The following COL24A1 variants were observed in gnomAD, a reference collection of about 807,000 sequenced individuals.
The protein encoded by COL24A1 is collagen type XXIV alpha 1 chain.
A neutral mutation model predicts 253.9 loss-of-function variants in COL24A1; 224 were observed. The ratio of observed to expected loss-of-function variants is 0.88; its 90% CI spans 0.79 to 0.99. The LOEUF is 0.99. COL24A1 is among the 50% of genes least tolerant of loss of function. The probability of loss-of-function intolerance (pLI) is 0.00; values close to 1 mark genes in which losing one functional copy is unlikely to be tolerated. For synonymous variants in COL24A1, 685 were observed against 673.7 expected, an observed-to-expected ratio of 1.02 and a Z score of -0.26; for missense variants, 2,131 against 2,068.5, an observed-to-expected ratio of 1.03 and a Z score of -0.59.
At chr1:86,022,083 G>C (rs1242771846) in intron 18 of COL24A1, among the ~76,000 whole-genome samples, 157 bp downstream of exon 18, 1 of 152,142 alleles carries the variant, frequency 6.6e-6, no homozygotes, top group Non-Finnish European at 1.5e-5. Context: ...AAAGTCTATG[G>C]AATGTGAACT....
At chr1:85,798,685 G>A (rs1671084039) in intron 47 of COL24A1, among the ~76,000 whole-genome samples, 1 of 152,046 alleles carries the variant, frequency 6.6e-6, no homozygotes, top group Admixed American at 6.5e-5. Flanking sequence ...CCTTATACTG[G>A]ACACAATCCA....
chr1:85,835,233 G>C (rs576600974), intron 43 of COL24A1, among the ~76,000 whole-genome samples: 1 of 152,248 alleles, frequency 6.6e-6, no homozygotes, highest in Non-Finnish European at 1.5e-5. Context: ...CCGGGTTCAA[G>C]TGTTTCTCCT....
chr1:85,842,004 T>G, intron 41 of COL24A1, 64 bp downstream of exon 41: 2 of 1,437,612 alleles, frequency 1.4e-6, no homozygotes, highest in Admixed American at 3.5e-5. Flanking sequence ...CATGCAGTCT[T>G]TCAGGAATAA....
intron 47 of COL24A1, among the ~76,000 whole-genome samples, chr1:85,801,706 A>G (rs1002074027): frequency 1.3e-5 from 2 of 152,176 alleles, no homozygotes; most frequent in African/African-American, 4.8e-5. Flanking sequence ...CTGCTTCCTA[A>G]CAGGACTCTG....
intron 53 of COL24A1, among the ~76,000 whole-genome samples, chr1:85,766,661 A>G (rs1667415435): frequency 6.6e-6 from 1 of 152,182 alleles, no homozygotes; most frequent in Admixed American, 6.5e-5. Context: ...CATGTATTGT[A>G]TAATGAGCTA....
At chr1:85,896,177 C>A in intron 29 of COL24A1, 112 bp from the exon 30 acceptor site, 1 of 1,253,126 alleles carries the variant, frequency 8.0e-7, no homozygotes, top group Non-Finnish European at 1.1e-6. Flanking sequence ...GTATATAGTT[C>A]ATTATTGAAA....
chr1:86,126,224 TA>T lies in COL24A1; in HGVS notation c.122-11del. On this transcript the variant is annotated splice_polypyrimidine_tract_variant and intron_variant, in intron 2 of 59. Transcript: ENST00000370571. ...TGAAGAATATCTATGCCTGGAAATTTAAAAAAGAGAGAGAGAAAGAATCTTA... is the reference window on the plus strand; with the variant it reads ...TGAAGAATATCTATGCCTGGAAATTTAAAAAGAGAGAGAGAAAGAATCTTA... 6.4e-7 allele frequency: 1 copy of T among 1,557,988 alleles called. No homozygotes were observed. Among genetic ancestry groups the T allele is most frequent in the Non-Finnish European group, 8.6e-7 (1 of 1,162,076 alleles).
intron 7 of COL24A1, among the ~76,000 whole-genome samples, chr1:86,077,260 G>A (rs1484499708): frequency 1.3e-5 from 2 of 152,110 alleles, no homozygotes; most frequent in African/African-American, 4.8e-5. Context: ...ATGGTCATTA[G>A]AGAAATGCAA....
At chr1:85,946,260 T>A (rs74097618) in intron 24 of COL24A1, among the ~76,000 whole-genome samples, 2,592 of 152,282 alleles carry the variant, frequency 0.017, 80 homozygotes, top group African/African-American at 0.06. Context: ...AAGCGCATAC[T>A]GTGTGACTCC....
chr1:85,958,952 ACACT>A (rs1558802171), intron 24 of COL24A1, among the ~76,000 whole-genome samples: 1 of 152,160 alleles, frequency 6.6e-6, no homozygotes, highest in Admixed American at 6.5e-5. Context: ...TGTGCTTCAC[ACACT>A]CTATCACAAA....
intron 24 of COL24A1, 120 bp from the exon 25 acceptor site, chr1:85,911,553 G>C (rs963451982): frequency 1.2e-6 from 1 of 839,858 alleles, no homozygotes. Flanking sequence ...TGTTATCTTG[G>C]AGTAAAATTC....
chr1:85,756,226 C>A (rs181649084), intron 55 of COL24A1, among the ~76,000 whole-genome samples: 71 of 152,202 alleles, frequency 4.7e-4, no homozygotes, highest in Non-Finnish European at 8.2e-4. Context: ...TCGAGACCAG[C>A]CTGGCCAACA....
At chr1:85,819,189 G>C (rs1474570222) in intron 45 of COL24A1, among the ~76,000 whole-genome samples, 1 of 152,126 alleles carries the variant, frequency 6.6e-6, no homozygotes, top group Non-Finnish European at 1.5e-5. Context: ...AAATGGGATA[G>C]TTAGTGACCT....
chr1:85,903,899 A>G (rs1227056712), intron 28 of COL24A1, among the ~76,000 whole-genome samples: 1 of 152,196 alleles, frequency 6.6e-6, no homozygotes, highest in Non-Finnish European at 1.5e-5. Flanking sequence ...TTTAAGGAAA[A>G]AAATATTTTG....
chr1:85,794,913 C>T (rs1194033697), intron 47 of COL24A1, among the ~76,000 whole-genome samples: 1 of 152,072 alleles, frequency 6.6e-6, no homozygotes, highest in Non-Finnish European at 1.5e-5. Flanking sequence ...GTCTCCCTAC[C>T]GAAATAAGTT....
At chr1:85,861,323 C>A (rs948865935) in intron 37 of COL24A1, among the ~76,000 whole-genome samples, 1 of 152,040 alleles carries the variant, frequency 6.6e-6, no homozygotes, top group African/African-American at 2.4e-5. Flanking sequence ...TGTTAATTAT[C>A]TTATTATCAG....
At chr1:86,145,549 A>C (rs1651757262) in intron 2 of COL24A1, among the ~76,000 whole-genome samples, 1 of 152,092 alleles carries the variant, frequency 6.6e-6, no homozygotes, top group African/African-American at 2.4e-5. Context: ...AAGATGCATC[A>C]ATCATGTTTA....
At chr1:86,031,730 TG>T in intron 14 of COL24A1, 147 bp downstream of exon 14, 2 of 527,130 alleles carry the variant, frequency 3.8e-6, no homozygotes, top group Non-Finnish European at 6.6e-6. Context: ...TATTCATATC[TG>T]GTTGAAAAAA....
At chr1:85,897,236 C>G (rs1028049214) in intron 28 of COL24A1, among the ~76,000 whole-genome samples, 20 of 152,130 alleles carry the variant, frequency 1.3e-4, no homozygotes, top group African/African-American at 4.3e-4. Flanking sequence ...GAACAACACA[C>G]ACTGGGGCCT....
Sources: gnomAD v4.1 joint callset for allele counts (sites outside exome capture counted in the v4.1 genomes callset) on GRCh38, gnomAD v4.1.1 for gene constraint, MANE v1.5 for transcripts, NCBI Gene and HGNC (gene_info 2026-07-23, HGNC 2026-07-21) for gene names.